Variants in DSCAM observed in about 807,000 individuals in gnomAD.
DSCAM encodes cell adhesion molecule DSCAM.
A neutral mutation model predicts 217.7 loss-of-function variants in DSCAM; 47 were observed. That is an observed-to-expected ratio of 0.22 (90% CI 0.17 to 0.28). The LOEUF is 0.28. Ranked by LOEUF, DSCAM falls within the 10% of genes least tolerant of loss-of-function variation. The probability of loss-of-function intolerance (pLI) is 1.00; values close to 1 mark genes in which losing one functional copy is unlikely to be tolerated. For synonymous variants in DSCAM, 1,056 were observed against 1,015.3 expected (o/e 1.04, Z -0.76); for missense variants, 2,080 against 2,618.3 (o/e 0.79, Z 4.49).
intron 3 of DSCAM, among the ~76,000 whole-genome samples, chr21:40,474,170 G>A (rs1205740942): frequency 6.6e-6 from 1 of 152,156 alleles, no homozygotes; most frequent in African/African-American, 2.4e-5. Flanking sequence ...GCAGGCGCCT[G>A]TAATCCCAGC....
chr21:40,539,428 A>G (rs150121053), intron 3 of DSCAM, among the ~76,000 whole-genome samples: 22,025 of 151,914 alleles, frequency 0.14, 2,036 homozygotes, highest in African/African-American at 0.26. Flanking sequence ...CCCGGGAGGC[A>G]GAGCTTGCAG....
chr21:40,359,182 A>G lies in DSCAM; in HGVS notation c.656-5439T>C, dbSNP rs926508980. On this transcript the variant is annotated intron_variant, in intron 4 of 32. Transcript: ENST00000400454. ...TCATACATCGTTGGTGGAAGGTAAT[A>G]TATACTTACATATGCACACATATAC... is the stretch of plus-strand genomic sequence containing the variant. Among the ~76,000 whole-genome samples the G allele has an allele frequency of 4.6e-5, 7 of 152,214 alleles. 1 individual carries two copies. The highest frequency in any genetic ancestry group is 3.9e-4 in the Admixed American group (6 of 15,284).
chr21:40,797,851 T>C (rs2091705459), intron 1 of DSCAM, among the ~76,000 whole-genome samples: 1 of 152,162 alleles, frequency 6.6e-6, no homozygotes, highest in African/African-American at 2.4e-5. Flanking sequence ...TCTGGTGTTT[T>C]CTAATTTATC....
At chr21:40,495,390 A>T (rs561046296) in intron 3 of DSCAM, among the ~76,000 whole-genome samples, 2 of 152,334 alleles carry the variant, frequency 1.3e-5, no homozygotes, top group South Asian at 4.1e-4. Flanking sequence ...ATACATGCAA[A>T]TCAATACATG....
At chr21:40,481,228 G>A (rs577185725) in intron 3 of DSCAM, among the ~76,000 whole-genome samples, 4 of 152,244 alleles carry the variant, frequency 2.6e-5, no homozygotes, top group East Asian at 1.9e-4. Flanking sequence ...GGTAGCTCAC[G>A]CCTGTAATCC....
rs2075320893 is a variant in DSCAM at position 40,411,234 on chromosome 21, G to A, written c.509-41989C>T. Among the ~76,000 whole-genome samples, 5 of 147,088 alleles carry A rather than the reference G, an allele frequency of 3.4e-5. No individual in the cohort carries two copies. In the South Asian group the frequency reaches 1.1e-3, roughly 32 times the overall value. ...CACACACACACACACTGAATTGTAGGGGAAAACAAACAAGCAAACAATAAC... is the reference window on the plus strand; with the variant it reads ...CACACACACACACACTGAATTGTAGAGGAAAACAAACAAGCAAACAATAAC... On this transcript the variant is annotated intron_variant, in intron 3 of 32. Coordinates refer to ENST00000400454, the MANE Select transcript of DSCAM (RefSeq NM_001389.5).
intron 3 of DSCAM, among the ~76,000 whole-genome samples, chr21:40,593,316 T>TTC (rs2076997378): frequency 9.9e-6 from 1 of 101,472 alleles, no homozygotes; most frequent in African/African-American, 4.2e-5. Context: ...TTCATGATGT[T>TTC]TCTCTTTTTT....
chr21:40,685,944 A>G (rs1225951838), intron 3 of DSCAM, among the ~76,000 whole-genome samples: 1 of 81,026 alleles, frequency 1.2e-5, no homozygotes, highest in African/African-American at 3.5e-5. Context: ...AACAAAAACA[A>G]AAACAAAAAC....
intron 1 of DSCAM, among the ~76,000 whole-genome samples, chr21:40,779,351 G>T (rs1478210198): frequency 6.6e-6 from 1 of 152,172 alleles, no homozygotes; most frequent in African/African-American, 2.4e-5. Context: ...TCATGGAATG[G>T]ATTCTGACGA....
At chr21:40,645,516 T>C (rs2089935744) in intron 3 of DSCAM, among the ~76,000 whole-genome samples, 1 of 152,200 alleles carries the variant, frequency 6.6e-6, no homozygotes, top group African/African-American at 2.4e-5. Context: ...TTCAGTTTTT[T>C]TTTTAGTAGG....
intron 9 of DSCAM, among the ~76,000 whole-genome samples, chr21:40,297,827 G>T (rs2073971675): frequency 6.6e-6 from 1 of 152,126 alleles, no homozygotes; most frequent in East Asian, 1.9e-4. Flanking sequence ...ATGACTACCA[G>T]CATAAAGCCA....
chr21:40,760,220 G>A (rs1054364911), intron 1 of DSCAM, among the ~76,000 whole-genome samples: 7 of 151,978 alleles, frequency 4.6e-5, no homozygotes, highest in Middle Eastern at 3.4e-3. Flanking sequence ...GTTTCACCAC[G>A]TTGGCCAGGA....
intron 3 of DSCAM, among the ~76,000 whole-genome samples, chr21:40,660,324 G>A (rs2090125440): frequency 6.6e-6 from 1 of 152,160 alleles, no homozygotes; most frequent in South Asian, 2.1e-4. Flanking sequence ...CAAAGGAGGA[G>A]GGAGAGAGGT....
At chr21:40,379,222 C>T (rs2074996242) in intron 3 of DSCAM, among the ~76,000 whole-genome samples, 1 of 152,158 alleles carries the variant, frequency 6.6e-6, no homozygotes, top group South Asian at 2.1e-4. Context: ...TTTCATTTCC[C>T]ACTGTCACGT....
At chr21:40,529,307 G>T (rs780317635) in intron 3 of DSCAM, among the ~76,000 whole-genome samples, 1 of 152,160 alleles carries the variant, frequency 6.6e-6, no homozygotes, top group Non-Finnish European at 1.5e-5. Flanking sequence ...GCTAAGAGGC[G>T]CTGGCATGCA....
At chr21:40,539,674 TG>T in intron 3 of DSCAM, among the ~76,000 whole-genome samples, 1 of 152,158 alleles carries the variant, frequency 6.6e-6, no homozygotes, top group Non-Finnish European at 1.5e-5. Context: ...GGATGTTTTT[TG>T]TTGTTGGTCC....
chr21:40,479,663 G>GC (rs1443524293), intron 3 of DSCAM, among the ~76,000 whole-genome samples: 1 of 152,030 alleles, frequency 6.6e-6, no homozygotes. Context: ...GGGTAAACCT[G>GC]CCCCCATGAT....
rs375146210 is a variant in DSCAM at position 40,124,342 on chromosome 21, G to C, written c.3563-14C>G. The C allele has an allele frequency of 3.1e-6, 5 of 1,613,194 alleles. No individual in the cohort carries two copies. In the African/African-American group the frequency reaches 6.7e-5, roughly 22 times the overall value. On this transcript the variant is annotated splice_polypyrimidine_tract_variant and intron_variant, in intron 19 of 32. Transcript: ENST00000400454. ...GAGGACCTGGAACTGGAAGAGCCGT[G>C]TGTTTAGTCACAAGGTGGGGCCTCA...
chr21:40,748,416 G>A (rs1410436502), intron 1 of DSCAM, among the ~76,000 whole-genome samples: 1 of 151,906 alleles, frequency 6.6e-6, no homozygotes, highest in African/African-American at 2.4e-5. Flanking sequence ...ATAAAAATCA[G>A]TAGTGTTTGC....
Sources: gnomAD v4.1 joint callset for allele counts (sites outside exome capture counted in the v4.1 genomes callset) on GRCh38, gnomAD v4.1.1 for gene constraint, MANE v1.5 for transcripts, NCBI Gene and HGNC (gene_info 2026-07-23, HGNC 2026-07-21) for gene names.